PLCH1: variants seen among roughly 807,000 people sequenced by gnomAD.
PLCH1 encodes the protein phospholipase C eta 1.
PLCH1 carries 60 observed loss-of-function variants against 126.7 expected under a neutral mutation model. That is an observed-to-expected ratio of 0.47 (90% confidence interval 0.38 to 0.59). PLCH1 has a LOEUF of 0.59. PLCH1 is among the 20% of genes least tolerant of loss of function. PLCH1 has a pLI of 0.00. For missense variants in PLCH1, 1,723 were observed against 2,040.0 expected (o/e 0.84, Z 2.99); for synonymous variants, 719 against 734.9 (o/e 0.98, Z 0.35).
intron 21 of PLCH1, among the ~76,000 whole-genome samples, chr3:155,463,052 A>C (rs920150108): frequency 6.6e-6 from 1 of 152,188 alleles, no homozygotes; most frequent in African/African-American, 2.4e-5. Flanking sequence ...ACATCCTGTA[A>C]ATCCAGTTAT....
intron 10 of PLCH1, among the ~76,000 whole-genome samples, chr3:155,529,331 C>G (rs1317073989): frequency 6.6e-6 from 1 of 152,124 alleles, no homozygotes; most frequent in African/African-American, 2.4e-5. Flanking sequence ...AAGCAGGAAC[C>G]TTGAACCACA....
At chr3:155,647,613 G>C (rs1740212622) in intron 2 of PLCH1, among the ~76,000 whole-genome samples, 1 of 152,022 alleles carries the variant, frequency 6.6e-6, no homozygotes, top group Non-Finnish European at 1.5e-5. Flanking sequence ...GATGACTTTT[G>C]ATATGAAAAA....
At chr3:155,591,083 C>A (rs359565) in intron 4 of PLCH1, among the ~76,000 whole-genome samples, 61,874 of 152,084 alleles carry the variant, frequency 0.41, 15,644 homozygotes, top group Non-Finnish European at 0.57. Flanking sequence ...ACCAACAAAG[C>A]AAAAAGATGA....
intron 21 of PLCH1, 33 bp from the exon 22 acceptor site, chr3:155,485,743 G>C (rs748173031): frequency 1.3e-5 from 18 of 1,362,808 alleles, no homozygotes; most frequent in Non-Finnish European, 1.8e-5. Flanking sequence ...CACAAGTTAA[G>C]CAAATGCCAT....
In PLCH1 at chr3:155,499,154, C is replaced by T. The variant is rs149643270; in HGVS notation, c.1796+1549G>A. Among the ~76,000 whole-genome samples the T allele has an allele frequency of 9.2e-5, 14 of 152,296 alleles. No homozygotes were observed. In the East Asian group the frequency reaches 2.7e-3, roughly 29 times the overall value. ...CATTGTAGTTTTGATTTATATCTCC[C>T]TAATGTCCAACAATGTTGAGCACAT... On this transcript the variant is annotated intron_variant, in intron 14 of 22. Transcript: ENST00000460012.
chr3:155,523,920 C>A lies in PLCH1; in HGVS notation c.1447G>T (p.Glu483Ter). 1 of 1,600,060 alleles carries A rather than the reference C, an allele frequency of 6.2e-7. No individual in the cohort carries two copies. Among genetic ancestry groups the A allele is most frequent in the Non-Finnish European group, 8.5e-7 (1 of 1,171,482 alleles). The change falls in exon 11 of 23, where the codon GAG (glutamate) becomes TAG (stop). Residue 483 changes from glutamate to a stop codon, truncating the protein, a stop_gained. Transcript: ENST00000460012. LOFTEE classifies it high-confidence loss of function. The part of the protein sequence containing the change: ...DEDSADEIED[E>*]CKFKLHYSNG... ...ACATAATGGAGCTTGAATTTGCACT[C>A]GTCTTCAATTTCATCTGCACTGTCC...
intron 2 of PLCH1, among the ~76,000 whole-genome samples, chr3:155,629,044 C>G (rs919426419): frequency 6.6e-6 from 1 of 152,170 alleles, no homozygotes; most frequent in African/African-American, 2.4e-5. Context: ...ACCTTCTTTT[C>G]TACTTACTTA....
intron 4 of PLCH1, among the ~76,000 whole-genome samples, chr3:155,589,234 G>A (rs923443811): frequency 2.6e-5 from 4 of 152,030 alleles, no homozygotes; most frequent in African/African-American, 9.7e-5. Context: ...TTTAAGTTTT[G>A]CAGGACATTT....
At chr3:155,630,342 G>A (rs1737881795) in intron 2 of PLCH1, among the ~76,000 whole-genome samples, 1 of 152,180 alleles carries the variant, frequency 6.6e-6, no homozygotes, top group Non-Finnish European at 1.5e-5. Context: ...AAATGATAAT[G>A]GTTAGCTTAG....
At position 155,482,140 on chromosome 3, in the gene PLCH1, G is replaced by A. The variant is rs772380896; in HGVS notation, c.3886C>T (p.Leu1296=). The change falls in exon 23 of 23, where the codon CTG becomes TTG. Residue 1296 remains leucine (L), a synonymous_variant. Transcript: ENST00000460012. ...CGAGAAGTATTAGGGGATCCAGGCA[G>A]GTTGCTTTCTAAGGCCGCTGTCTTG... ...KAKTAALESN[L]PGSPNTSRGW... is the part of the protein sequence containing the mutation. 2 of 1,614,158 alleles carry A rather than the reference G, an allele frequency of 1.2e-6. No homozygotes were observed. Among genetic ancestry groups the A allele is most frequent in the South Asian group, 2.2e-5 (2 of 91,086 alleles).
At chr3:155,601,323 C>T (rs1481385451) in intron 2 of PLCH1, among the ~76,000 whole-genome samples, 1 of 152,046 alleles carries the variant, frequency 6.6e-6, no homozygotes, top group African/African-American at 2.4e-5. Flanking sequence ...TAAAGTCAAT[C>T]CTTTCTGCCA....
intron 21 of PLCH1, among the ~76,000 whole-genome samples, chr3:155,471,422 T>C (rs1463144760): frequency 1.7e-4 from 26 of 150,344 alleles, no homozygotes; most frequent in African/African-American, 5.9e-4. Flanking sequence ...CCCAGATTCA[T>C]AAAGCAAGTC....
chr3:155,486,291 G>T, intron 21 of PLCH1: 1 of 784,834 alleles, frequency 1.3e-6, no homozygotes, highest in Non-Finnish European at 2.1e-6. Flanking sequence ...AAGAAAAAAT[G>T]CATACATGTC....
chr3:155,603,371 T>C (rs542633288), intron 2 of PLCH1, among the ~76,000 whole-genome samples: 16 of 122,608 alleles, frequency 1.3e-4, no homozygotes, highest in African/African-American at 4.0e-4. Context: ...CCTAAAACCA[T>C]CAGGGCAGAA....
chr3:155,486,263 T>C, intron 21 of PLCH1: 1 of 1,104,968 alleles, frequency 9.1e-7, no homozygotes, highest in Non-Finnish European at 1.3e-6. Flanking sequence ...TTGAAGAGGG[T>C]GTCACAAGTA....
At chr3:155,573,216 C>T (rs537367298) in intron 6 of PLCH1, among the ~76,000 whole-genome samples, 1 of 152,272 alleles carries the variant, frequency 6.6e-6, no homozygotes, top group Admixed American at 6.5e-5. Flanking sequence ...CAGAGGATTT[C>T]CTCAAACATT....
At chr3:155,606,615 A>C (rs1476061446) in intron 2 of PLCH1, among the ~76,000 whole-genome samples, 1 of 152,246 alleles carries the variant, frequency 6.6e-6, no homozygotes, top group African/African-American at 2.4e-5. Context: ...GCTTATAGTG[A>C]ATGGTTATTA....
At chr3:155,566,209 A>G (rs1227793556) in intron 7 of PLCH1, among the ~76,000 whole-genome samples, 2 of 101,914 alleles carry the variant, frequency 2.0e-5, no homozygotes, top group East Asian at 2.3e-4. Flanking sequence ...ACATATATAC[A>G]CATATATACG....
intron 2 of PLCH1, among the ~76,000 whole-genome samples, chr3:155,606,657 T>C (rs369332214): frequency 2.0e-5 from 3 of 152,206 alleles, no homozygotes; most frequent in Non-Finnish European, 4.4e-5. Context: ...TTTGCACATT[T>C]AGATAAGAAA....
Sources: allele counts gnomAD v4.1 joint callset (sites outside exome capture counted in the v4.1 genomes callset), GRCh38; gene constraint gnomAD v4.1.1; transcripts MANE v1.5; gene names NCBI Gene and HGNC (gene_info 2026-07-23, HGNC 2026-07-21).